TTC23L: variants seen among roughly 807,000 people sequenced by gnomAD.
The protein encoded by TTC23L is tetratricopeptide repeat domain 23 like.
Under a neutral mutation model 48.1 loss-of-function variants are expected in TTC23L, and 42 were observed. The ratio of observed to expected loss-of-function variants is 0.87; its 90% CI spans 0.68 to 1.13. The LOEUF is 1.13. Among genes scored for constraint, TTC23L ranks in the 50% most tolerant of loss-of-function variants. The probability of loss-of-function intolerance (pLI) is 0.00; values close to 1 mark genes in which losing one functional copy is unlikely to be tolerated. For missense variants in TTC23L, 391 were observed against 421.0 expected, an observed-to-expected ratio of 0.93 and a Z score of 0.62; for synonymous variants, 159 against 157.2, an observed-to-expected ratio of 1.01 and a Z score of -0.09.
chr5:34,925,089 C>T, the TTC23L span: 4 of 1,462,182 alleles, frequency 2.7e-6, no homozygotes, highest in Non-Finnish European at 3.6e-6. Flanking sequence ...GTTTTTGCTG[C>T]ATAGAAACTT....
At chr5:34,891,553 TGTTAGCCACTATTACCATAG>T (rs1379566655) in intron 9 of TTC23L, among the ~76,000 whole-genome samples, 1 of 152,236 alleles carries the variant, frequency 6.6e-6, no homozygotes, top group Non-Finnish European at 1.5e-5. Context: ...CAGAGATGAT[TGTTAGCCACTATTACCATAG>T]GTTAGTTTTG....
intron 9 of TTC23L, among the ~76,000 whole-genome samples, chr5:34,887,706 A>G (rs1762623550): frequency 6.6e-6 from 1 of 152,214 alleles, no homozygotes; most frequent in South Asian, 2.1e-4. Context: ...AGAGTGAAAG[A>G]AGAGAGGGGT....
At chr5:34,915,024 G>T in the TTC23L span, 2 of 916,498 alleles carry the variant, frequency 2.2e-6, no homozygotes, top group Non-Finnish European at 3.3e-6. Flanking sequence ...CTCCACCTGC[G>T]CTGAGAGGTG....
intron 9 of TTC23L, among the ~76,000 whole-genome samples, chr5:34,886,364 A>T (rs921119892): frequency 0.056 from 175 of 3,116 alleles, no homozygotes; most frequent in Middle Eastern, 0.5. Flanking sequence ...AGGCTGATTT[A>T]AAAAAAAAAA....
intron 8 of TTC23L, among the ~76,000 whole-genome samples, chr5:34,874,078 C>T (rs1024001041): frequency 2.6e-4 from 40 of 152,262 alleles, no homozygotes; most frequent in Admixed American, 2.2e-3. Context: ...ATATTAACTC[C>T]TCTTAGATCT....
the TTC23L span, chr5:34,913,790 C>T: frequency 1.8e-6 from 1 of 551,542 alleles, no homozygotes; most frequent in African/African-American, 1.9e-5. Context: ...TGTGACTCTC[C>T]CTTGTCTCGT....
chr5:34,859,079 A>G (rs966528227), intron 4 of TTC23L, among the ~76,000 whole-genome samples: 2 of 152,196 alleles, frequency 1.3e-5, no homozygotes, highest in African/African-American at 4.8e-5. Context: ...CTTGAGTGGT[A>G]GTTGTTTTAT....
intron 9 of TTC23L, among the ~76,000 whole-genome samples, chr5:34,889,517 A>G (rs965002053): frequency 6.6e-6 from 1 of 151,832 alleles, no homozygotes; most frequent in Non-Finnish European, 1.5e-5. Flanking sequence ...TCCTATCCAC[A>G]CCCCCTTCAG....
chr5:34,885,208 A>G (rs1762472978), intron 9 of TTC23L, among the ~76,000 whole-genome samples: 1 of 152,244 alleles, frequency 6.6e-6, no homozygotes, highest in Admixed American at 6.5e-5. Context: ...AATGTTATGA[A>G]AGACCAAAAG....
intron 3 of TTC23L, among the ~76,000 whole-genome samples, chr5:34,846,650 AATAC>A (rs1343583713): frequency 1.0e-4 from 12 of 116,876 alleles, no homozygotes; most frequent in African/African-American, 2.4e-4. Context: ...TATATATACA[AATAC>A]ATATATGTGT....
chr5:34,925,109 TC>T, the TTC23L span: 6 of 1,440,808 alleles, frequency 4.2e-6, no homozygotes, highest in African/African-American at 1.4e-5. Flanking sequence ...TGGAAATTAC[TC>T]CCTTTTTTCA....
Position 34,863,647 on chromosome 5 carries a change from C to T in TTC23L, c.536+593C>T, listed in dbSNP as rs1760839438. Among the ~76,000 whole-genome samples, 3 of 152,130 alleles carry T rather than the reference C, an allele frequency of 2.0e-5. No homozygotes were observed. The South Asian group carries it at 6.2e-4, about 32-fold the overall frequency. ...TTTGAAATGCTCTTGTGGATACTGC[C>T]CATGAGGCTGGAGGCCAAGCAAAAT... On this transcript the variant is annotated intron_variant, in intron 5 of 10. Coordinates refer to ENST00000505624, the Ensembl canonical transcript of TTC23L. The surrounding 1 kb of genome is among the most constrained non-coding windows in gnomAD (Gnocchi z 4.1).
intron 4 of TTC23L, chr5:34,860,658 A>C (rs1288885388): frequency 6.6e-6 from 1 of 152,164 alleles, no homozygotes; most frequent in African/African-American, 2.4e-5. Flanking sequence ...TTTTCTCTTT[A>C]GTTGAAACCT....
intron 4 of TTC23L, among the ~76,000 whole-genome samples, chr5:34,850,984 A>ACCAGC (rs1759629731): frequency 6.6e-6 from 1 of 152,150 alleles, no homozygotes; most frequent in African/African-American, 2.4e-5. Flanking sequence ...CTGTTCCTTG[A>ACCAGC]CCAGCCATGT....
At chr5:34,897,018 A>C (rs1161328471) in intron 10 of TTC23L, 143 bp downstream of exon 10, 1 of 550,258 alleles carries the variant, frequency 1.8e-6, no homozygotes, top group African/African-American at 1.9e-5. Flanking sequence ...TAAGGAAAAA[A>C]AAAAACAAAA....
At chr5:34,875,654 CA>C in intron 8 of TTC23L, among the ~76,000 whole-genome samples, 1 of 152,154 alleles carries the variant, frequency 6.6e-6, no homozygotes, top group Non-Finnish European at 1.5e-5. Context: ...CACCCAGGAT[CA>C]ATACTTTGCA....
At chr5:34,908,788 CT>C in the TTC23L span, 14 of 1,603,558 alleles carry the variant, frequency 8.7e-6, no homozygotes, top group Admixed American at 5.3e-5. Context: ...TCAGGAACTT[CT>C]TCATCAGGGC....
chr5:34,912,221 T>A, the TTC23L span, among the ~76,000 whole-genome samples: 1 of 152,270 alleles, frequency 6.6e-6, no homozygotes, highest in African/African-American at 2.4e-5. Context: ...TCATCTGTAC[T>A]GTAACGTCAG....
In TTC23L at chr5:34,863,692, A is replaced by G. The variant is rs1309413628; in HGVS notation, c.536+638A>G. On this transcript the variant is annotated intron_variant, in intron 5 of 10. Transcript: ENST00000505624. This position sits in a 1 kb window ranked among gnomAD's most constrained non-coding sequence, Gnocchi z 4.1. ...CAAAATAGACAAAACAAGTAGTTCT[A>G]TAAATCCCCAGAGGGGTACTGTTAT... Among the ~76,000 whole-genome samples the G allele has an allele frequency of 2.0e-5, 3 of 152,234 alleles. No homozygotes were observed. The highest frequency in any genetic ancestry group is 2.1e-4 in the South Asian group (1 of 4,832).
Sources: gnomAD v4.1 joint callset for allele counts (sites outside exome capture counted in the v4.1 genomes callset) on GRCh38, gnomAD v4.1.1 for gene constraint, Gnocchi (gnomAD v3.1) non-coding constraint, MANE v1.5 for transcripts, NCBI Gene and HGNC (gene_info 2026-07-23, HGNC 2026-07-21) for gene names.